The following NBEA variants were observed in gnomAD, a reference collection of about 807,000 sequenced individuals.
NBEA encodes neurobeachin.
NBEA carries 44 observed loss-of-function variants against 343.4 expected under a neutral mutation model. That is an observed-to-expected ratio of 0.13 (90% CI 0.10 to 0.16). The LOEUF is 0.16. Among genes scored for constraint, NBEA ranks in the 10% least tolerant of loss-of-function variants. The pLI is 1.00. For synonymous variants in NBEA, 1,175 were observed against 1,238.7 expected (o/e 0.95, Z 1.08); for missense variants, 2,555 against 3,631.3 (o/e 0.70, Z 7.62).
chr13:35,566,634 G>T (rs990495906), intron 44 of NBEA, among the ~76,000 whole-genome samples: 1 of 152,198 alleles, frequency 6.6e-6, no homozygotes, highest in Non-Finnish European at 1.5e-5. Flanking sequence ...AAGGGAGGCT[G>T]AGAAATGTGG....
chr13:35,557,574 A>G (rs1257314482), intron 44 of NBEA, among the ~76,000 whole-genome samples: 1 of 152,138 alleles, frequency 6.6e-6, no homozygotes, highest in African/African-American at 2.4e-5. Flanking sequence ...TGAAGATTAT[A>G]TGGGCCACTG....
chr13:35,169,362 C>T (rs1000032172), intron 25 of NBEA, among the ~76,000 whole-genome samples: 3 of 151,398 alleles, frequency 2.0e-5, no homozygotes, highest in African/African-American at 4.8e-5. Flanking sequence ...TTGATGCTTA[C>T]ATACTTCATT....
intron 1 of NBEA, among the ~76,000 whole-genome samples, chr13:35,034,931 A>G (rs1466688888): frequency 1.3e-5 from 2 of 151,940 alleles, no homozygotes; most frequent in Non-Finnish European, 3.0e-5. Context: ...TAGTCTGGCT[A>G]AAGATTTGTC....
chr13:35,271,249 C>T (rs1157415487), intron 34 of NBEA, among the ~76,000 whole-genome samples: 1 of 152,184 alleles, frequency 6.6e-6, no homozygotes, highest in African/African-American at 2.4e-5. Context: ...TTCCAACAGA[C>T]CTGCAGCTGA....
chr13:35,268,710 T>C (rs1315347702), intron 34 of NBEA, among the ~76,000 whole-genome samples: 1 of 152,100 alleles, frequency 6.6e-6, no homozygotes, highest in Non-Finnish European at 1.5e-5. Context: ...TTCCAGTCTT[T>C]TTTTAGTAAA....
chr13:35,561,913 A>G (rs1362059082), intron 44 of NBEA, among the ~76,000 whole-genome samples: 1 of 152,110 alleles, frequency 6.6e-6, no homozygotes, highest in African/African-American at 2.4e-5. Context: ...GTTTTATTCT[A>G]TTTATAAATT....
intron 35 of NBEA, among the ~76,000 whole-genome samples, chr13:35,298,917 T>C (rs1350405464): frequency 6.6e-6 from 1 of 152,034 alleles, no homozygotes; most frequent in Non-Finnish European, 1.5e-5. Flanking sequence ...AAATAAGAAA[T>C]GAAAATGAAA....
In NBEA at chr13:35,170,626, TTTA is replaced by T. The variant is rs2070388715; in HGVS notation, c.4243-642_4243-640del. 2.0e-5 allele frequency among the ~76,000 whole-genome samples: 3 copies of T among 151,922 alleles called. 1 individual carries two copies. In the South Asian group the frequency reaches 6.2e-4, roughly 31 times the overall value. ...TCCAATCTAGAATGCTATGATTCTT[TTTA>T]TTACTAGTGTTTTATAAGTCACGAA... On this transcript the variant is annotated intron_variant, in intron 25 of 58. Coordinates refer to ENST00000379939, the MANE Select transcript of NBEA (RefSeq NM_001385012.1).
chr13:35,226,418 G>C (rs1413790073), intron 33 of NBEA, among the ~76,000 whole-genome samples: 1 of 152,020 alleles, frequency 6.6e-6, no homozygotes, highest in Non-Finnish European at 1.5e-5. Context: ...AGAGGATCTT[G>C]GATCTTGGTG....
At chr13:35,549,191 T>G (rs1273411307) in intron 41 of NBEA, among the ~76,000 whole-genome samples, 1 of 152,120 alleles carries the variant, frequency 6.6e-6, no homozygotes, top group Non-Finnish European at 1.5e-5. Flanking sequence ...AAAACTGAAT[T>G]AAGGGTTACA....
At chr13:35,008,426 A>G (rs1446624774) in intron 1 of NBEA, among the ~76,000 whole-genome samples, 1 of 152,162 alleles carries the variant, frequency 6.6e-6, no homozygotes, top group Non-Finnish European at 1.5e-5. Flanking sequence ...GGCCTATACA[A>G]TGTAAATGCT....
chr13:34,942,811 AG>A lies in NBEA; in HGVS notation c.-4del, dbSNP rs2059069233. On this transcript the variant is annotated 5_prime_UTR_variant, in exon 1 of 59. Coordinates refer to ENST00000379939, the MANE Select transcript of NBEA (RefSeq NM_001385012.1). ...CCGCTGCTCTTCCCTTCTCCTCAGG[AG>A]GGGGGCCAATGGCTAGCGAGAAGCC... 6.7e-6 allele frequency: 9 copies of A among 1,343,370 alleles called. No individual in the cohort carries two copies. The highest frequency in any genetic ancestry group is 8.6e-6 in the Non-Finnish European group (9 of 1,046,092). The allele number at this position is 1,343,370 out of a possible 1,614,324, so 83.2% of individuals were successfully genotyped here.
intron 41 of NBEA, among the ~76,000 whole-genome samples, chr13:35,479,701 G>A (rs190824334): frequency 2.1e-4 from 32 of 152,182 alleles, no homozygotes; most frequent in African/African-American, 7.7e-4. Flanking sequence ...ATACATTTAT[G>A]TATTAATGTG....
At chr13:35,588,834 C>G (rs1326517527) in intron 46 of NBEA, among the ~76,000 whole-genome samples, 1 of 152,138 alleles carries the variant, frequency 6.6e-6, no homozygotes, top group Non-Finnish European at 1.5e-5. Context: ...CTTCCAAATT[C>G]AGTATATTCA....
chr13:35,111,164 C>A (rs750473662), intron 13 of NBEA, among the ~76,000 whole-genome samples, 186 bp downstream of exon 13: 11 of 152,032 alleles, frequency 7.2e-5, no homozygotes, highest in East Asian at 1.9e-4. Context: ...TAAATTATTT[C>A]GGAATAAAAT....
chr13:35,055,801 G>A (rs1439959193), intron 6 of NBEA, among the ~76,000 whole-genome samples: 1 of 152,084 alleles, frequency 6.6e-6, no homozygotes. Context: ...AGGGGTTGTA[G>A]TTCTTGTCTT....
At chr13:35,615,429 C>T (rs1335191332) in intron 48 of NBEA, among the ~76,000 whole-genome samples, 1 of 152,032 alleles carries the variant, frequency 6.6e-6, no homozygotes, top group Non-Finnish European at 1.5e-5. Flanking sequence ...CTGCAACCTC[C>T]GCCTCCTGGG....
At chr13:35,669,450 TAA>T (rs1221667674) in intron 58 of NBEA, among the ~76,000 whole-genome samples, 1 of 152,162 alleles carries the variant, frequency 6.6e-6, no homozygotes, top group African/African-American at 2.4e-5. Context: ...CACAATATAA[TAA>T]AATGGCACTG....
chr13:35,530,083 T>G (rs1031930394), intron 41 of NBEA, among the ~76,000 whole-genome samples: 1 of 152,238 alleles, frequency 6.6e-6, no homozygotes, highest in East Asian at 1.9e-4. Context: ...GTAAGCTTTG[T>G]ATCTGTTTTT....
Sources: gnomAD v4.1 joint callset for allele counts (sites outside exome capture counted in the v4.1 genomes callset) on GRCh38, gnomAD v4.1.1 for gene constraint, MANE v1.5 for transcripts, NCBI Gene and HGNC (gene_info 2026-07-23, HGNC 2026-07-21) for gene names.